Variants in ZNF287 observed in about 807,000 individuals in gnomAD.
ZNF287 encodes zinc finger protein 287, also known as zinc finger protein with KRAB and SCAN domains 13.
Under a neutral mutation model 73.7 loss-of-function variants are expected in ZNF287, and 31 were observed. That is an observed-to-expected ratio of 0.42 (90% CI 0.32 to 0.57). ZNF287 has a LOEUF of 0.57. Among genes scored for constraint, ZNF287 ranks in the 20% least tolerant of loss-of-function variants. The pLI is 0.13. For missense variants in ZNF287, 641 were observed against 909.3 expected, an observed-to-expected ratio of 0.70 and a Z score of 3.79; for synonymous variants, 301 against 307.2, an observed-to-expected ratio of 0.98 and a Z score of 0.21.
intron 3 of ZNF287, among the ~76,000 whole-genome samples, chr17:16,565,991 A>AT (rs1907720461): frequency 1.3e-5 from 2 of 152,292 alleles, no homozygotes; most frequent in East Asian, 3.9e-4. Flanking sequence ...TGTCTCAAAA[A>AT]ATATATATAA....
At chr17:16,556,403 AC>A (rs1444899237) in intron 5 of ZNF287, among the ~76,000 whole-genome samples, 1 of 152,224 alleles carries the variant, frequency 6.6e-6, no homozygotes, top group East Asian at 1.9e-4. Context: ...GAAAAAGATT[AC>A]CAAAATGCTA....
At chr17:16,568,057 C>T (rs1192888244) in intron 1 of ZNF287, 128 bp from the exon 2 acceptor site, 2 of 908,538 alleles carry the variant, frequency 2.2e-6, no homozygotes, top group Non-Finnish European at 2.7e-6. Flanking sequence ...TCTTCCTCCC[C>T]TATATCCTTA....
chr17:16,550,040 A>G lies in ZNF287; in HGVS notation c.*1816T>C, dbSNP rs1448263814. On this transcript the variant is annotated 3_prime_UTR_variant, in exon 6 of 6. Transcript: ENST00000395825. ...GACTGGAGAAACAAGTAAGAGCACAATGAAATCTCAGTTCTCAGAATATGG... is the reference window on the plus strand; with the variant it reads ...GACTGGAGAAACAAGTAAGAGCACAGTGAAATCTCAGTTCTCAGAATATGG... Among the ~76,000 whole-genome samples the G allele has an allele frequency of 6.6e-6, 1 of 152,226 alleles. No individual in the cohort carries two copies. Among genetic ancestry groups the G allele is most frequent in the African/African-American group, 2.4e-5 (1 of 41,466 alleles).
chr17:16,568,054 C>T (rs1457627598), intron 1 of ZNF287, 125 bp from the exon 2 acceptor site: 1 of 916,994 alleles, frequency 1.1e-6, no homozygotes, highest in East Asian at 7.4e-5. Flanking sequence ...TTGTCTTCCT[C>T]CCCTATATCC....
At chr17:16,566,139 A>G (rs1406789226) in intron 3 of ZNF287, among the ~76,000 whole-genome samples, 2 of 152,340 alleles carry the variant, frequency 1.3e-5, no homozygotes, top group East Asian at 3.9e-4. Flanking sequence ...TTTAATACTC[A>G]CAACCTAAGA....
chr17:16,552,590 TGAAA>T lies in ZNF287; in HGVS notation c.1548_1551del (p.Phe517ValfsTer247). ...TGCTGAAGAAGGTGTGTACTCTGAC[TGAAA>T]GTCTTCCCACATTCATTGCATATAT... On this transcript the variant is annotated frameshift_variant, in exon 6 of 6. Coordinates refer to ENST00000395825, the MANE Select transcript of ZNF287 (RefSeq NM_020653.4). LOFTEE classifies it high-confidence loss of function. The surrounding 1 kb of genome is among the most constrained non-coding windows in gnomAD (Gnocchi z 6.5). The T allele has an allele frequency of 6.2e-7, 1 of 1,614,180 alleles. No individual in the cohort carries two copies. Among genetic ancestry groups the T allele is most frequent in the Middle Eastern group, 1.7e-4 (1 of 6,060 alleles).
intron 5 of ZNF287, among the ~76,000 whole-genome samples, chr17:16,557,682 A>G (rs928485519): frequency 3.9e-5 from 6 of 151,936 alleles, no homozygotes; most frequent in African/African-American, 1.2e-4. Context: ...CTCCTCAATC[A>G]TGTTTGATGA....
chr17:16,555,073 A>G (rs1906953746), intron 5 of ZNF287, among the ~76,000 whole-genome samples: 1 of 152,226 alleles, frequency 6.6e-6, no homozygotes, highest in Admixed American at 6.5e-5. Flanking sequence ...GAGTACAGTC[A>G]TGGATTTCTT....
intron 5 of ZNF287, among the ~76,000 whole-genome samples, chr17:16,562,757 G>C (rs1315031388): frequency 6.6e-6 from 1 of 152,040 alleles, no homozygotes; most frequent in Non-Finnish European, 1.5e-5. Context: ...GGGGATGTAG[G>C]GATTTGTCAG....
At chr17:16,559,040 G>A (rs1289377473) in intron 5 of ZNF287, 2 of 151,712 alleles carry the variant, frequency 1.3e-5, no homozygotes, top group Non-Finnish European at 2.9e-5. Context: ...AAAGCAAGAT[G>A]CAAGAATATA....
At chr17:16,562,867 C>A (rs571859848) in intron 5 of ZNF287, among the ~76,000 whole-genome samples, 1 of 151,934 alleles carries the variant, frequency 6.6e-6, no homozygotes, top group African/African-American at 2.4e-5. Context: ...GAAAGTGGCA[C>A]AATGAAAGCC....
chr17:16,550,968 A>T lies in ZNF287; in HGVS notation c.*888T>A, dbSNP rs1392745195. 6.6e-6 allele frequency among the ~76,000 whole-genome samples: 1 copy of T among 152,076 alleles called. No homozygotes were observed. The highest frequency in any genetic ancestry group is 1.9e-4 in the East Asian group (1 of 5,200). On this transcript the variant is annotated 3_prime_UTR_variant, in exon 6 of 6. Coordinates refer to ENST00000395825, the MANE Select transcript of ZNF287 (RefSeq NM_020653.4). The stretch of plus-strand genomic sequence containing the variant: ...ATTTAATTTTTGCCTGTTTAACTAA[A>T]TCTCTACACATCTAATGTTATATAC...
chr17:16,566,619 G>A lies in ZNF287; in HGVS notation c.407C>T (p.Pro136Leu). ...DLTQILEEEA[P>L]QNSTLSQDTP... ...ATCTTGGGAAAGGGTAGAGTTTTGA[G>A]GAGCTAGAGAAGAGAAAGAGGTCAT... is the stretch of plus-strand genomic sequence containing the variant. Residue 136 changes from proline to leucine, a missense_variant, in exon 3 of 6, where the codon CCT becomes CTT. Physicochemically the swap from Pro to Leu is moderately conservative, Grantham distance 98 (BLOSUM62 -3). Coordinates refer to ENST00000395825, the MANE Select transcript of ZNF287 (RefSeq NM_020653.4). The A allele has an allele frequency of 6.8e-6, 11 of 1,610,710 alleles. No individual in the cohort carries two copies. The highest frequency in any genetic ancestry group is 8.5e-6 in the Non-Finnish European group (10 of 1,178,400).
intron 3 of ZNF287, among the ~76,000 whole-genome samples, chr17:16,565,741 C>G (rs1048356846): frequency 6.6e-6 from 1 of 152,174 alleles, no homozygotes; most frequent in Non-Finnish European, 1.5e-5. Context: ...AATCCCAGCA[C>G]TTTGGGAGGC....
rs775258359 is a variant in ZNF287 at position 16,553,325 on chromosome 17, C to T, written c.817G>A (p.Asp273Asn). ...TTTCCTCGCCTCTCTAGTCTATCAT[C>T]GTAGTCATATGAGTCTTCTAATTTG... is the stretch of plus-strand genomic sequence containing the variant. Reference protein sequence around the residue: ...TIKLEDSYDYDDRLERRGKGG... With the variant: ...TIKLEDSYDYNDRLERRGKGG... Residue 273 changes from aspartate (D) to asparagine (N), a missense_variant, in exon 6 of 6, where the codon GAT becomes AAT. This residue lies in a region of ZNF287 where 357 missense variants were observed against 442.4 expected (regional missense o/e 0.81). Transcript: ENST00000395825. 4.2e-5 allele frequency: 67 copies of T among 1,613,804 alleles called. 1 individual carries two copies. Among genetic ancestry groups the T allele is most frequent in the East Asian group, 3.1e-4 (14 of 44,848 alleles).
chr17:16,569,070 G>A lies in ZNF287; in HGVS notation c.-317C>T, dbSNP rs369145947. ...CAGTCCCGAGCGGCAGCGGATCCTC[G>A]GGCTCCGCCACTTCCCTTCCCCGCA... On this transcript the variant is annotated 5_prime_UTR_variant, in exon 1 of 6. Coordinates refer to ENST00000395825, the MANE Select transcript of ZNF287 (RefSeq NM_020653.4). 1 of 152,562 alleles carries A rather than the reference G, an allele frequency of 6.6e-6. No homozygotes were observed. The highest frequency in any genetic ancestry group is 1.5e-5 in the Non-Finnish European group (1 of 68,336). 9.5% of individuals were successfully genotyped at this position (152,562 alleles called of 1,614,324 possible).
chr17:16,565,424 G>GTATATATGTAGATATATATATAAGTA (rs1326273303), intron 3 of ZNF287, among the ~76,000 whole-genome samples: 2 of 150,966 alleles, frequency 1.3e-5, no homozygotes, highest in Non-Finnish European at 1.5e-5. Context: ...ATTTTTATAT[G>GTATATATGTAGATATATATATAAGTA]TATATATGTA....
In ZNF287 at chr17:16,553,206, A is replaced by C; in HGVS notation, c.936T>G (p.Ser312Arg). ...QEYDPTEECL[S>R]KYDIYRNNFE... ...AATTATTTCTATATATATCATATTT[A>C]CTAAGACATTCTTCTGTAGGATCAT... is the stretch of plus-strand genomic sequence containing the variant. The change falls in exon 6 of 6, where the codon AGT becomes AGG. Residue 312 changes from serine to arginine, a missense_variant. By Grantham distance (110) the Ser-to-Arg change is moderately radical. This residue lies in a region of ZNF287 where 357 missense variants were observed against 442.4 expected (regional missense o/e 0.81). Transcript: ENST00000395825. The C allele has an allele frequency of 6.2e-7, 1 of 1,601,560 alleles. No individual in the cohort carries two copies. Among genetic ancestry groups the C allele is most frequent in the Non-Finnish European group, 8.6e-7 (1 of 1,168,918 alleles).
intron 3 of ZNF287, among the ~76,000 whole-genome samples, chr17:16,566,118 G>A (rs918772131): frequency 6.6e-6 from 1 of 152,158 alleles, no homozygotes; most frequent in Non-Finnish European, 1.5e-5. Flanking sequence ...CTAACTACAA[G>A]TCTCATAATA....
Sources: gnomAD v4.1 joint callset for allele counts (sites outside exome capture counted in the v4.1 genomes callset) on GRCh38, gnomAD v4.1.1 for gene constraint, gnomAD v4.1.1 regional missense constraint, Gnocchi (gnomAD v3.1) non-coding constraint, MANE v1.5 for transcripts, NCBI Gene and HGNC (gene_info 2026-07-23, HGNC 2026-07-21) for gene names.